Variants in METTL27 observed in about 807,000 individuals in gnomAD.
METTL27 encodes the protein methyltransferase like 27.
Under a neutral mutation model 24.5 loss-of-function variants are expected in METTL27, and 29 were observed. The observed-to-expected ratio is 1.18, with a 90% CI of 0.88 to 1.61. The LOEUF (loss-of-function observed/expected upper bound fraction) is 1.61, where lower values mean the gene tolerates loss of function less well. Ranked by LOEUF, METTL27 falls within the 40% of genes most tolerant of loss-of-function variation. METTL27 has a pLI of 0.00. For synonymous variants in METTL27, 138 were observed against 146.8 expected, an observed-to-expected ratio of 0.94 and a Z score of 0.43; for missense variants, 341 against 324.3, an observed-to-expected ratio of 1.05 and a Z score of -0.40.
At chr7:73,836,208 G>A (rs1426629920) in intron 5 of METTL27, among the ~76,000 whole-genome samples, 2 of 40,716 alleles carry the variant, frequency 4.9e-5, no homozygotes, top group Admixed American at 4.7e-4. Context: ...CAGGCCAGCC[G>A]CCCCGTCCGG....
intron 5 of METTL27, 115 bp downstream of exon 5, chr7:73,839,916 G>T: frequency 1.1e-6 from 1 of 949,280 alleles, no homozygotes; most frequent in Non-Finnish European, 1.5e-6. Flanking sequence ...GTGACGCTGG[G>T]CAGGACGCTG....
intron 4 of METTL27, 131 bp from the exon 5 acceptor site, chr7:73,840,251 G>C: frequency 2.1e-6 from 3 of 1,452,668 alleles, no homozygotes; most frequent in East Asian, 4.9e-5. Context: ...AGGTCCCCTA[G>C]AGGATAAGGT....
At chr7:73,837,299 A>T (rs1473943268) in intron 5 of METTL27, among the ~76,000 whole-genome samples, 7 of 93,458 alleles carry the variant, frequency 7.5e-5, no homozygotes, top group African/African-American at 1.3e-4. Context: ...ATAAATAAAT[A>T]AATAAATTTA....
chr7:73,840,621 A>G, intron 3 of METTL27, 72 bp from the exon 4 acceptor site: 2 of 1,514,074 alleles, frequency 1.3e-6, no homozygotes, highest in South Asian at 2.7e-5. Flanking sequence ...GCACCTTGGC[A>G]GGGCAGTGGA....
At chr7:73,836,081 T>TG (rs1289769251) in intron 5 of METTL27, among the ~76,000 whole-genome samples, 19 of 143,260 alleles carry the variant, frequency 1.3e-4, no homozygotes, top group South Asian at 2.3e-4. Context: ...GGGAGGGAGG[T>TG]GGGGGGGTCA....
intron 3 of METTL27, among the ~76,000 whole-genome samples, chr7:73,840,846 G>A (rs1788333436): frequency 6.6e-6 from 1 of 152,124 alleles, no homozygotes; most frequent in Non-Finnish European, 1.5e-5. Flanking sequence ...TGTTTGTAGA[G>A]ACAGGGGTCT....
intron 5 of METTL27, 83 bp downstream of exon 5, chr7:73,839,948 C>T: frequency 7.6e-7 from 1 of 1,311,068 alleles, no homozygotes; most frequent in Non-Finnish European, 1.0e-6. Context: ...GCCTGAGGGG[C>T]TCTGGGGCCT....
chr7:73,841,108 G>T lies in METTL27; in HGVS notation c.214C>A (p.Leu72Met). 2 of 1,524,488 alleles carry T rather than the reference G, an allele frequency of 1.3e-6. No homozygotes were observed. Among genetic ancestry groups the T allele is most frequent in the East Asian group, 2.6e-5 (1 of 38,374 alleles). The allele number at this position is 1,524,488 out of a possible 1,614,324, so 94.4% of individuals were successfully genotyped here. ...AGGCCTGTGCCACAGGCCACGTCCA[G>T]GATCAGGGCACTGTGGGGCGGGCCT... ...LPGPPHSALILDVACGTGLVA... is the reference protein window; with the variant it reads ...LPGPPHSALIMDVACGTGLVA... The change falls in exon 3 of 6, where the codon CTG becomes ATG. Residue 72 changes from leucine to methionine, a missense_variant. By Grantham distance (15) the Leu-to-Met change is conservative. Coordinates refer to ENST00000297873, the MANE Select transcript of METTL27 (RefSeq NM_152559.3).
At chr7:73,835,117 C>A (rs547402588) in intron 5 of METTL27, 115 bp from the exon 6 acceptor site, 2 of 1,387,532 alleles carry the variant, frequency 1.4e-6, no homozygotes, top group Admixed American at 6.0e-5. Flanking sequence ...AGATTGGGGA[C>A]GCTCTCTCCC....
chr7:73,836,415 C>T (rs1788198030), intron 5 of METTL27, among the ~76,000 whole-genome samples: 1 of 145,868 alleles, frequency 6.9e-6, no homozygotes, highest in African/African-American at 2.6e-5. Flanking sequence ...GGGGGGTCAG[C>T]CCCCCGCCCG....
At chr7:73,837,318 A>G (rs1290386104) in intron 5 of METTL27, among the ~76,000 whole-genome samples, 1 of 20,192 alleles carries the variant, frequency 5.0e-5, no homozygotes, top group East Asian at 1.2e-3. Flanking sequence ...TAAAAAAAAT[A>G]AAAAAAAATA....
chr7:73,838,806 G>C (rs1346966105), intron 5 of METTL27, among the ~76,000 whole-genome samples: 1 of 144,410 alleles, frequency 6.9e-6, no homozygotes, highest in Non-Finnish European at 1.5e-5. Flanking sequence ...CCCAGGCTTA[G>C]CCACAGCCTC....
At chr7:73,837,914 A>G (rs1294012906) in intron 5 of METTL27, among the ~76,000 whole-genome samples, 3 of 151,458 alleles carry the variant, frequency 2.0e-5, no homozygotes, top group African/African-American at 7.3e-5. Flanking sequence ...CAGCAGAGCA[A>G]TCATAGCTGA....
chr7:73,835,165 C>T, intron 5 of METTL27, 163 bp from the exon 6 acceptor site: 1 of 739,006 alleles, frequency 1.4e-6, no homozygotes. Context: ...TCTCCCTCCT[C>T]TCCCTCCTCT....
intron 1 of METTL27, 119 bp from the exon 2 acceptor site, chr7:73,842,263 T>G: frequency 7.0e-7 from 1 of 1,435,920 alleles, no homozygotes; most frequent in Non-Finnish European, 9.2e-7. Flanking sequence ...GCGACCCCTA[T>G]CCCGGCCCCT....
At chr7:73,838,171 TCTC>T (rs1788259673) in intron 5 of METTL27, among the ~76,000 whole-genome samples, 1 of 151,982 alleles carries the variant, frequency 6.6e-6, no homozygotes, top group African/African-American at 2.4e-5. Context: ...TTGACGTAAT[TCTC>T]CTGGATTGAG....
rs546445674 is a variant in METTL27 at position 73,837,309 on chromosome 7, A to T, written c.479-2307T>A. ...AATAAATAAATAAATAAATAAATTT[A>T]AAAAAAATAAAAAAAAATAAAAAGT... is the stretch of plus-strand genomic sequence containing the variant. On this transcript the variant is annotated intron_variant, in intron 5 of 5. Transcript: ENST00000297873. 1.2e-3 allele frequency among the ~76,000 whole-genome samples: 89 copies of T among 73,596 alleles called. 1 individual carries two copies. The highest frequency in any genetic ancestry group is 5.3e-3 in the Middle Eastern group (1 of 190). 48.3% of individuals were successfully genotyped at this position (73,596 alleles called of 152,430 possible).
Position 73,834,812 on chromosome 7 carries a change from T to C in METTL27, c.669A>G (p.Pro223=), listed in dbSNP as rs149898256. ...PSWRWYPASL[P]RMASSPALST... is the part of the protein sequence containing the mutation. ...ACAATGCCGGAGATGAAGCCATCCT[T>C]GGCAGAGATGCCGGATACCACCTCC... is the stretch of plus-strand genomic sequence containing the variant. The change falls in exon 6 of 6, where the codon CCA becomes CCG. Residue 223 remains proline, a synonymous_variant. Coordinates refer to ENST00000297873, the MANE Select transcript of METTL27 (RefSeq NM_152559.3). The C allele has an allele frequency of 1.1e-4, 180 of 1,614,026 alleles. 1 individual carries two copies. Among genetic ancestry groups the C allele is most frequent in the Admixed American group, 4.7e-4 (28 of 60,000 alleles).
intron 5 of METTL27, among the ~76,000 whole-genome samples, chr7:73,835,308 C>T (rs1413379918): frequency 3.5e-5 from 5 of 144,242 alleles, no homozygotes; most frequent in Admixed American, 1.4e-4. Context: ...CATCTCGGCT[C>T]ACTGCAACCT....
Sources: allele counts gnomAD v4.1 joint callset (sites outside exome capture counted in the v4.1 genomes callset), GRCh38; gene constraint gnomAD v4.1.1; transcripts MANE v1.5; gene names NCBI Gene and HGNC (gene_info 2026-07-23, HGNC 2026-07-21).